DPP10: variants seen among roughly 807,000 people sequenced by gnomAD.
The protein encoded by DPP10 is inactive dipeptidyl peptidase 10.
A neutral mutation model predicts 120.9 loss-of-function variants in DPP10; 33 were observed. The ratio of observed to expected loss-of-function variants is 0.27; its 90% CI spans 0.21 to 0.37. The LOEUF (loss-of-function observed/expected upper bound fraction) is 0.37. Ranked by LOEUF, DPP10 falls within the 10% of genes least tolerant of loss-of-function variation. The probability of loss-of-function intolerance (pLI) is 1.00; values close to 1 mark genes in which losing one functional copy is unlikely to be tolerated. For synonymous variants in DPP10, 337 were observed against 326.1 expected (o/e 1.03, Z -0.36); for missense variants, 816 against 942.8 (o/e 0.87, Z 1.76).
chr2:115,549,769 A>G (rs2079758177), intron 5 of DPP10, among the ~76,000 whole-genome samples: 2 of 152,102 alleles, frequency 1.3e-5, no homozygotes, highest in African/African-American at 4.8e-5. Context: ...TAAGGTCTCA[A>G]TCCCTTAAAG....
intron 1 of DPP10, among the ~76,000 whole-genome samples, chr2:114,599,219 G>A (rs1474916990): frequency 6.6e-6 from 1 of 151,702 alleles, no homozygotes; most frequent in Non-Finnish European, 1.5e-5. Flanking sequence ...GAATGAAGTA[G>A]GTTTGTAATT....
chr2:114,989,133 G>T (rs1306635915), intron 1 of DPP10, among the ~76,000 whole-genome samples: 3 of 152,088 alleles, frequency 2.0e-5, no homozygotes, highest in African/African-American at 7.2e-5. Context: ...TGAGGGGTGA[G>T]GTCAGGGCTG....
intron 5 of DPP10, among the ~76,000 whole-genome samples, chr2:115,593,538 A>G (rs1194944506): frequency 1.3e-5 from 2 of 151,566 alleles, no homozygotes; most frequent in East Asian, 3.9e-4. Flanking sequence ...TTTAATTTCT[A>G]ATAATTCCAA....
At chr2:115,579,343 A>G (rs965535523) in intron 5 of DPP10, 1 of 152,218 alleles carries the variant, frequency 6.6e-6, no homozygotes, top group Non-Finnish European at 1.5e-5. Flanking sequence ...TACCTGTCTC[A>G]TTTATTGAAA....
intron 1 of DPP10, among the ~76,000 whole-genome samples, chr2:114,790,993 GA>G (rs1454281185): frequency 2.0e-5 from 3 of 151,534 alleles, no homozygotes; most frequent in South Asian, 2.1e-4. Context: ...TAGAATATAA[GA>G]AAAAAAAGAA....
intron 1 of DPP10, among the ~76,000 whole-genome samples, chr2:114,850,685 G>A (rs1255181801): frequency 6.6e-6 from 1 of 152,080 alleles, no homozygotes; most frequent in Admixed American, 6.5e-5. Context: ...TTCCAGACTT[G>A]AGAATGGGGA....
intron 3 of DPP10, among the ~76,000 whole-genome samples, chr2:115,460,190 C>T (rs1366570767): frequency 6.6e-6 from 1 of 151,954 alleles, no homozygotes; most frequent in Non-Finnish European, 1.5e-5. Flanking sequence ...TAATAGGTTT[C>T]AGAGGCCCAT....
chr2:115,133,178 G>T (rs1174257476), intron 1 of DPP10, among the ~76,000 whole-genome samples: 2,837 of 58,872 alleles, frequency 0.048, 11 homozygotes, highest in African/African-American at 0.09. Flanking sequence ...TATATATATA[G>T]TTTTTTTTTT....
At chr2:114,568,697 C>T (rs942967279) in intron 1 of DPP10, among the ~76,000 whole-genome samples, 2 of 152,166 alleles carry the variant, frequency 1.3e-5, no homozygotes, top group Non-Finnish European at 1.5e-5. Context: ...CATAAGTAAA[C>T]GCGATCATAT....
rs560255902 is a variant in DPP10, at chr2:115,563,613, A to G, written c.441+37641A>G. Among the ~76,000 whole-genome samples the G allele has an allele frequency of 2.0e-5, 3 of 152,266 alleles. No homozygotes were observed. In the South Asian group the frequency reaches 6.2e-4, roughly 32 times the overall value. On this transcript the variant is annotated intron_variant, in intron 5 of 25. Transcript: ENST00000410059. ...GTAAAAACAACACTAAATCTCTCTC[A>G]GATAATTAAGACACGGAATCTGAAA...
chr2:115,334,230 G>GTTTTTTTTTTTTTTTTTTT, intron 2 of DPP10, among the ~76,000 whole-genome samples: 859 of 56,262 alleles, frequency 0.015, 130 homozygotes, highest in African/African-American at 0.038. Flanking sequence ...AGCAGACTCT[G>GTTTTTTTTTTTTTTTTTTT]TTTTTTTTTT....
rs745704058 is a variant in DPP10, at chr2:115,499,497, TTTG to T, written c.272-6_272-4del. 1.9e-6 allele frequency: 3 copies of T among 1,603,872 alleles called. No individual in the cohort carries two copies. Among genetic ancestry groups the T allele is most frequent in the Middle Eastern group, 1.7e-4 (1 of 6,000 alleles). On this transcript the variant is annotated splice_polypyrimidine_tract_variant and intron_variant, in intron 3 of 25. Transcript: ENST00000410059. Reference sequence around the variant, plus strand: ...AATGTATTTGTCAATTGTGAATGTCTTTGTTGTTGCAGATACAGATGTGGTGTA... The same window carrying T: ...AATGTATTTGTCAATTGTGAATGTCTTTGTTGCAGATACAGATGTGGTGTA...
At chr2:114,446,965 T>C (rs1457260900) in intron 1 of DPP10, among the ~76,000 whole-genome samples, 1 of 152,064 alleles carries the variant, frequency 6.6e-6, no homozygotes, top group Admixed American at 6.6e-5. Context: ...TTTTGGAGTG[T>C]GACATTGCCA....
intron 1 of DPP10, among the ~76,000 whole-genome samples, chr2:114,660,879 A>G (rs1375640908): frequency 1.3e-5 from 2 of 152,162 alleles, no homozygotes; most frequent in African/African-American, 4.8e-5. Context: ...TTACTTTTAG[A>G]TGATTTTGCT....
At chr2:115,019,844 G>T (rs1350330033) in intron 1 of DPP10, among the ~76,000 whole-genome samples, 1 of 152,222 alleles carries the variant, frequency 6.6e-6, no homozygotes, top group African/African-American at 2.4e-5. Context: ...AGCTAGAAGG[G>T]ACCTGGGTCC....
chr2:114,511,213 A>G (rs1426087325), intron 1 of DPP10, among the ~76,000 whole-genome samples: 1 of 152,268 alleles, frequency 6.6e-6, no homozygotes, highest in Non-Finnish European at 1.5e-5. Flanking sequence ...TACACTCTGC[A>G]TACAAAATAT....
chr2:115,057,166 CT>C (rs1559042660), intron 1 of DPP10, among the ~76,000 whole-genome samples: 1 of 152,190 alleles, frequency 6.6e-6, no homozygotes, highest in Non-Finnish European at 1.5e-5. Flanking sequence ...TTTCTTAACT[CT>C]CTTAGATATG....
chr2:115,587,444 T>C (rs951210582), intron 5 of DPP10, among the ~76,000 whole-genome samples: 4 of 152,240 alleles, frequency 2.6e-5, no homozygotes, highest in Non-Finnish European at 4.4e-5. Context: ...ACTTTTAAGA[T>C]TCCACATGTA....
chr2:114,794,982 C>T (rs1683579536), intron 1 of DPP10, among the ~76,000 whole-genome samples: 1 of 152,164 alleles, frequency 6.6e-6, no homozygotes, highest in Non-Finnish European at 1.5e-5. Context: ...GTCATTAATA[C>T]TTTTGTTTTA....
Sources: gnomAD v4.1 joint callset for allele counts (sites outside exome capture counted in the v4.1 genomes callset) on GRCh38, gnomAD v4.1.1 for gene constraint, MANE v1.5 for transcripts, NCBI Gene and HGNC (gene_info 2026-07-23, HGNC 2026-07-21) for gene names.